The following RAPGEF5 variants were observed in gnomAD, a reference collection of about 807,000 sequenced individuals.
RAPGEF5 encodes M-Ras-regulated GEF.
A neutral mutation model predicts 125.2 loss-of-function variants in RAPGEF5; 65 were observed. That is an observed-to-expected ratio of 0.52 (90% confidence interval 0.43 to 0.64). RAPGEF5 has a LOEUF of 0.64. RAPGEF5 is among the 30% of genes least tolerant of loss of function. The probability of loss-of-function intolerance (pLI) is 0.00; values close to 1 mark genes in which losing one functional copy is unlikely to be tolerated. For missense variants in RAPGEF5, 958 were observed against 1,048.1 expected, an observed-to-expected ratio of 0.91 and a Z score of 1.19; for synonymous variants, 391 against 385.9, an observed-to-expected ratio of 1.01 and a Z score of -0.16.
intron 1 of RAPGEF5, among the ~76,000 whole-genome samples, chr7:22,345,558 AG>A (rs1173959497): frequency 6.6e-6 from 1 of 152,250 alleles, no homozygotes; most frequent in Admixed American, 6.5e-5. Context: ...TAGTAAAATA[AG>A]AATGTATATG....
At chr7:22,242,505 C>T (rs1012554677) in intron 7 of RAPGEF5, among the ~76,000 whole-genome samples, 5 of 152,132 alleles carry the variant, frequency 3.3e-5, no homozygotes, top group African/African-American at 1.2e-4. Flanking sequence ...AGAAGGGCCC[C>T]TGGTCACCAC....
intron 6 of RAPGEF5, among the ~76,000 whole-genome samples, chr7:22,276,354 C>T (rs1476556298): frequency 1.3e-5 from 2 of 152,110 alleles, no homozygotes; most frequent in Non-Finnish European, 2.9e-5. Flanking sequence ...TGTCTTACTA[C>T]GTCTTTTATT....
At chr7:22,143,733 C>T (rs141248781) in intron 20 of RAPGEF5, among the ~76,000 whole-genome samples, 46 of 152,332 alleles carry the variant, frequency 3.0e-4, no homozygotes, top group Non-Finnish European at 5.6e-4. Context: ...GCTTCCCACA[C>T]CCTTGGGGTA....
At chr7:22,308,601 G>T (rs184185021) in intron 4 of RAPGEF5, 94 bp from the exon 5 acceptor site, 182 of 1,015,924 alleles carry the variant, frequency 1.8e-4, no homozygotes, top group East Asian at 7.8e-4. Flanking sequence ...CTAATAATTG[G>T]GAGCAATCAG....
In RAPGEF5 at chr7:22,193,957, C is replaced by T. The variant is rs769912563; in HGVS notation, c.1073G>A (p.Cys358Tyr). The change falls in exon 10 of 26, where the codon TGT (cysteine) becomes TAT (tyrosine). Residue 358 changes from cysteine to tyrosine, a missense_variant. Transcript: ENST00000665637. Reference sequence around the variant, plus strand: ...ACTCCCAGCTGTGGGGGCTGGGCCACAGCACTGCACTTTCTTCAGCACCAG... The same window carrying T: ...ACTCCCAGCTGTGGGGGCTGGGCCATAGCACTGCACTTTCTTCAGCACCAG... ...SVLVLKKVQC[C>Y]GPAPTAGSAE... The T allele has an allele frequency of 6.2e-7, 1 of 1,613,960 alleles. No homozygotes were observed. Among genetic ancestry groups the T allele is most frequent in the East Asian group, 2.2e-5 (1 of 44,874 alleles).
chr7:22,175,362 A>G (rs148872889), intron 11 of RAPGEF5, among the ~76,000 whole-genome samples: 231 of 152,280 alleles, frequency 1.5e-3, no homozygotes, highest in Non-Finnish European at 2.7e-3. Flanking sequence ...GTCACACCAT[A>G]TATCACACTG....
intron 5 of RAPGEF5, among the ~76,000 whole-genome samples, chr7:22,296,034 G>A (rs964440075): frequency 6.8e-6 from 1 of 146,352 alleles, no homozygotes; most frequent in African/African-American, 2.7e-5. Flanking sequence ...GCAGAAGTGA[G>A]GGGTGGTGGA....
chr7:22,186,504 A>G (rs968263879), intron 11 of RAPGEF5, among the ~76,000 whole-genome samples: 5 of 152,328 alleles, frequency 3.3e-5, no homozygotes, highest in African/African-American at 1.2e-4. Context: ...GCAACCCATC[A>G]TCTAATATAC....
chr7:22,266,529 A>G (rs1401923706), intron 7 of RAPGEF5, among the ~76,000 whole-genome samples: 1 of 152,150 alleles, frequency 6.6e-6, no homozygotes, highest in Non-Finnish European at 1.5e-5. Flanking sequence ...AATCTCATTA[A>G]GCAATTCAAT....
At chr7:22,154,734 T>C in intron 16 of RAPGEF5, 130 bp from the exon 17 acceptor site, 7 of 956,240 alleles carry the variant, frequency 7.3e-6, no homozygotes, top group Non-Finnish European at 1.0e-5. Flanking sequence ...GTATAACACA[T>C]ACAGAGTTAG....
chr7:22,349,135 C>A (rs987413320), intron 1 of RAPGEF5, among the ~76,000 whole-genome samples: 1 of 148,268 alleles, frequency 6.7e-6, no homozygotes, highest in African/African-American at 2.5e-5. Context: ...TTCCACAGAT[C>A]AGTAGGGGCC....
chr7:22,325,084 C>T (rs942640229), intron 1 of RAPGEF5, among the ~76,000 whole-genome samples: 1 of 152,210 alleles, frequency 6.6e-6, no homozygotes, highest in Non-Finnish European at 1.5e-5. Context: ...TTTCTACATT[C>T]TGCCCTACAG....
chr7:22,176,666 C>T (rs528104091), intron 11 of RAPGEF5, among the ~76,000 whole-genome samples: 23 of 152,234 alleles, frequency 1.5e-4, no homozygotes, highest in African/African-American at 4.6e-4. Context: ...ATAGCTGGGA[C>T]TACAGGAGCC....
At chr7:22,241,110 G>C (rs537160071) in intron 7 of RAPGEF5, among the ~76,000 whole-genome samples, 1 of 152,208 alleles carries the variant, frequency 6.6e-6, no homozygotes, top group Non-Finnish European at 1.5e-5. Context: ...ATGCTGCCAT[G>C]GGGATTGTAA....
intron 25 of RAPGEF5, among the ~76,000 whole-genome samples, chr7:22,124,421 G>A (rs577113328): frequency 1.3e-5 from 2 of 152,266 alleles, no homozygotes; most frequent in South Asian, 2.1e-4. Flanking sequence ...TATTAAAGTG[G>A]TACTAATTGA....
intron 6 of RAPGEF5, among the ~76,000 whole-genome samples, chr7:22,288,035 C>A (rs1782838688): frequency 6.6e-6 from 1 of 152,164 alleles, no homozygotes; most frequent in South Asian, 2.1e-4. Context: ...CAGCATCTTA[C>A]CTCATTTTCT....
intron 9 of RAPGEF5, among the ~76,000 whole-genome samples, chr7:22,214,709 C>T (rs189308228): frequency 3.3e-5 from 5 of 150,390 alleles, no homozygotes; most frequent in Non-Finnish European, 7.4e-5. Flanking sequence ...TCCCTCCCTA[C>T]GTATTCTTTC....
At chr7:22,310,800 T>C (rs1044773692) in intron 3 of RAPGEF5, among the ~76,000 whole-genome samples, 27 of 152,218 alleles carry the variant, frequency 1.8e-4, no homozygotes, top group African/African-American at 6.3e-4. Flanking sequence ...CCCAGATGTG[T>C]TGGATTCCAC....
In RAPGEF5 at chr7:22,194,012, C is replaced by T; in HGVS notation, c.1018G>A (p.Val340Ile). 4 of 1,613,888 alleles carry T rather than the reference C, an allele frequency of 2.5e-6. No homozygotes were observed. Among genetic ancestry groups the T allele is most frequent in the Non-Finnish European group, 3.4e-6 (4 of 1,179,836 alleles). Residue 340 changes from valine (V) to isoleucine (I), a missense_variant, in exon 10 of 26, where the codon GTT (valine) becomes ATT (isoleucine). Transcript: ENST00000665637. ...CTCTGGTCTTGCTCTTTAACCTGAA[C>T]AGTCGTCACTTCATCATCTTGCTTT... The part of the protein sequence containing the change: ...SEHQDDEVTT[V>I]QVKEQDQSVL...
Sources: allele counts gnomAD v4.1 joint callset (sites outside exome capture counted in the v4.1 genomes callset), GRCh38; gene constraint gnomAD v4.1.1; transcripts MANE v1.5; gene names NCBI Gene and HGNC (gene_info 2026-07-23, HGNC 2026-07-21).